Variants in DLG2 observed in about 807,000 individuals in gnomAD.
DLG2 encodes disks large homolog 2.
A neutral mutation model predicts 132.5 loss-of-function variants in DLG2; 45 were observed. That is an observed-to-expected ratio of 0.34 (90% confidence interval 0.27 to 0.44). DLG2 has a LOEUF of 0.44. DLG2 is among the 20% of genes least tolerant of loss of function. The pLI is 1.00. For synonymous variants in DLG2, 424 were observed against 419.6 expected (o/e 1.01, Z -0.13); for missense variants, 1,045 against 1,196.9 (o/e 0.87, Z 1.87).
intron 3 of DLG2, among the ~76,000 whole-genome samples, chr11:85,527,176 A>ATT (rs57616528): frequency 7.0e-6 from 1 of 142,964 alleles, no homozygotes. Flanking sequence ...GGATGTTTTT[A>ATT]TTTTTTTTTT....
chr11:85,476,116 T>C (rs1163860790), intron 3 of DLG2, among the ~76,000 whole-genome samples: 1 of 152,146 alleles, frequency 6.6e-6, no homozygotes, highest in Non-Finnish European at 1.5e-5. Flanking sequence ...TTAGGCTACA[T>C]GGTATAGCCT....
At chr11:84,069,588 A>G (rs1028135168) in intron 10 of DLG2, among the ~76,000 whole-genome samples, 9 of 152,222 alleles carry the variant, frequency 5.9e-5, no homozygotes, top group African/African-American at 2.2e-4. Context: ...GAATGAGAGT[A>G]ACTCGGGTTT....
At chr11:84,157,309 C>T (rs936996763) in intron 9 of DLG2, among the ~76,000 whole-genome samples, 1 of 152,118 alleles carries the variant, frequency 6.6e-6, no homozygotes, top group Admixed American at 6.5e-5. Flanking sequence ...TGTATTTATA[C>T]ATAAATGAAT....
chr11:85,335,280 T>A (rs899309790), intron 3 of DLG2, among the ~76,000 whole-genome samples: 3 of 152,188 alleles, frequency 2.0e-5, no homozygotes, highest in Non-Finnish European at 4.4e-5. Flanking sequence ...TAAATCTTTT[T>A]CCATCCTTTT....
At chr11:84,497,418 C>T (rs914818488) in intron 7 of DLG2, among the ~76,000 whole-genome samples, 1 of 152,058 alleles carries the variant, frequency 6.6e-6, no homozygotes, top group African/African-American at 2.4e-5. Context: ...AGAGTTGGGA[C>T]TCTACTTGAA....
At chr11:84,545,706 C>T in intron 6 of DLG2, 1 of 271,862 alleles carries the variant, frequency 3.7e-6, no homozygotes, top group Non-Finnish European at 7.2e-6. Context: ...ATTTCAGTCA[C>T]TTCAATTTTC....
chr11:85,513,318 C>T (rs943804704), intron 3 of DLG2, among the ~76,000 whole-genome samples: 2 of 152,046 alleles, frequency 1.3e-5, no homozygotes, highest in African/African-American at 4.8e-5. Flanking sequence ...AACAGACCTG[C>T]ATATGTACCC....
chr11:84,766,522 G>C (rs1172528557), intron 6 of DLG2, among the ~76,000 whole-genome samples: 1 of 152,002 alleles, frequency 6.6e-6, no homozygotes, highest in Non-Finnish European at 1.5e-5. Context: ...CAGAATATCA[G>C]TTCAGCAACT....
At chr11:83,682,258 T>A (rs754544035) in intron 18 of DLG2, 180 of 985,292 alleles carry the variant, frequency 1.8e-4, no homozygotes, top group Admixed American at 2.5e-4. Context: ...GCTGTCCGGT[T>A]CACACTTGCC....
At chr11:84,408,174 C>T (rs1200093218) in intron 7 of DLG2, among the ~76,000 whole-genome samples, 1 of 152,040 alleles carries the variant, frequency 6.6e-6, no homozygotes, top group Non-Finnish European at 1.5e-5. Flanking sequence ...ATAAATCAGA[C>T]ATTAGTTATT....
At chr11:84,904,011 A>T (rs569272944) in intron 6 of DLG2, among the ~76,000 whole-genome samples, 6 of 152,304 alleles carry the variant, frequency 3.9e-5, no homozygotes, top group African/African-American at 1.4e-4. Flanking sequence ...GCAATGTTCA[A>T]CATTATTGAG....
intron 4 of DLG2, among the ~76,000 whole-genome samples, chr11:85,178,693 A>G (rs913568845): frequency 3.3e-5 from 5 of 151,984 alleles, no homozygotes; most frequent in African/African-American, 1.2e-4. Flanking sequence ...TATAACAAAG[A>G]GCCATTAAAA....
intron 3 of DLG2, among the ~76,000 whole-genome samples, chr11:85,323,271 A>G (rs1415832482): frequency 6.6e-6 from 1 of 152,170 alleles, no homozygotes; most frequent in Non-Finnish European, 1.5e-5. Flanking sequence ...ACTCCAAAGG[A>G]TCTCTTTCCT....
intron 9 of DLG2, among the ~76,000 whole-genome samples, chr11:84,148,179 A>G (rs1470004872): frequency 1.3e-5 from 2 of 151,882 alleles, no homozygotes; most frequent in Non-Finnish European, 2.9e-5. Flanking sequence ...TCTAAATTTG[A>G]TATTTCTGAT....
At chr11:84,892,566 T>A (rs1353801040) in intron 6 of DLG2, among the ~76,000 whole-genome samples, 1 of 152,118 alleles carries the variant, frequency 6.6e-6, no homozygotes, top group Admixed American at 6.5e-5. Context: ...TAATAAAAGT[T>A]ATGCCTGTTT....
At chr11:84,046,098 G>T (rs2096237328) in intron 11 of DLG2, among the ~76,000 whole-genome samples, 1 of 151,496 alleles carries the variant, frequency 6.6e-6, no homozygotes, top group East Asian at 1.9e-4. Flanking sequence ...CCTAGAAAAA[G>T]CCTGGGCATA....
intron 17 of DLG2, among the ~76,000 whole-genome samples, chr11:83,801,441 C>T (rs2044354956): frequency 1.3e-5 from 2 of 152,170 alleles, no homozygotes; most frequent in African/African-American, 4.8e-5. Flanking sequence ...TTTCCTCGGG[C>T]TCTGCCTATC....
At chr11:84,719,925 G>C (rs1340649028) in intron 6 of DLG2, among the ~76,000 whole-genome samples, 1 of 152,154 alleles carries the variant, frequency 6.6e-6, no homozygotes. Context: ...GGGGCTCTAG[G>C]TGGTAGTAAC....
intron 3 of DLG2, among the ~76,000 whole-genome samples, chr11:85,546,514 G>C (rs1392531928): frequency 1.3e-5 from 2 of 152,136 alleles, no homozygotes; most frequent in Non-Finnish European, 2.9e-5. Flanking sequence ...AGGTCTGCTT[G>C]GTCCTGAGCT....
Sources: gnomAD v4.1 joint callset for allele counts (sites outside exome capture counted in the v4.1 genomes callset) on GRCh38, gnomAD v4.1.1 for gene constraint, MANE v1.5 for transcripts, NCBI Gene and HGNC (gene_info 2026-07-23, HGNC 2026-07-21) for gene names.